The following RAB2A variants were observed in gnomAD, a reference collection of about 807,000 sequenced individuals.
The protein encoded by RAB2A is ras-related protein Rab-2A.
A neutral mutation model predicts 32.5 loss-of-function variants in RAB2A; 7 were observed. The ratio of observed to expected loss-of-function variants is 0.22; its 90% CI spans 0.12 to 0.40. The LOEUF (loss-of-function observed/expected upper bound fraction) is 0.40, where lower values mean the gene tolerates loss of function less well. RAB2A is among the 10% of genes least tolerant of loss of function. RAB2A has a pLI of 1.00. For synonymous variants in RAB2A, 79 were observed against 85.2 expected, an observed-to-expected ratio of 0.93 and a Z score of 0.40; for missense variants, 108 against 260.7, an observed-to-expected ratio of 0.41 and a Z score of 4.03.
intron 2 of RAB2A, among the ~76,000 whole-genome samples, chr8:60,570,273 A>T (rs1586088932): frequency 6.6e-6 from 1 of 152,208 alleles, no homozygotes; most frequent in Non-Finnish European, 1.5e-5. Context: ...CCCATCCCTG[A>T]CAATGGAAGG....
intron 1 of RAB2A, among the ~76,000 whole-genome samples, chr8:60,537,671 A>G (rs1270528761): frequency 2.6e-5 from 4 of 152,128 alleles, no homozygotes; most frequent in Non-Finnish European, 5.9e-5. Context: ...AGGTATTTAT[A>G]ACTGTTTTCT....
intron 1 of RAB2A, among the ~76,000 whole-genome samples, chr8:60,522,620 TGAA>T (rs1370492684): frequency 1.3e-5 from 2 of 152,114 alleles, no homozygotes. Context: ...GTTATTTTAT[TGAA>T]GAATAAATGT....
chr8:60,587,214 A>G (rs1243651502), intron 5 of RAB2A, among the ~76,000 whole-genome samples: 2 of 152,204 alleles, frequency 1.3e-5, no homozygotes, highest in African/African-American at 4.8e-5. Context: ...AGATTCATAT[A>G]TATATGATAT....
chr8:60,594,566 T>C (rs7341555), intron 6 of RAB2A, among the ~76,000 whole-genome samples: 12,454 of 152,118 alleles, frequency 0.082, 1,553 homozygotes, highest in African/African-American at 0.27. Flanking sequence ...ATGTGCCATG[T>C]TGGTTTGCTG....
At chr8:60,546,278 C>G (rs1159401947) in intron 1 of RAB2A, among the ~76,000 whole-genome samples, 2 of 152,172 alleles carry the variant, frequency 1.3e-5, no homozygotes, top group African/African-American at 2.4e-5. Flanking sequence ...TCAAACCTAT[C>G]AGGTTTAAGA....
At chr8:60,528,725 A>G (rs1807429859) in intron 1 of RAB2A, among the ~76,000 whole-genome samples, 1 of 152,180 alleles carries the variant, frequency 6.6e-6, no homozygotes, top group Non-Finnish European at 1.5e-5. Flanking sequence ...GTGATTGGCC[A>G]TCCAAGTCCA....
chr8:60,575,358 A>T (rs1808256992), intron 3 of RAB2A, among the ~76,000 whole-genome samples: 1 of 151,920 alleles, frequency 6.6e-6, no homozygotes, highest in South Asian at 2.1e-4. Flanking sequence ...TCTTACTTTC[A>T]TACCCAACTT....
intron 1 of RAB2A, among the ~76,000 whole-genome samples, chr8:60,541,814 CACAGGTCTAG>C (rs1486575410): frequency 1.3e-5 from 2 of 152,134 alleles, no homozygotes; most frequent in African/African-American, 4.8e-5. Context: ...GTGGTTGAAA[CACAGGTCTAG>C]ATTTGGTTTC....
intron 6 of RAB2A, among the ~76,000 whole-genome samples, chr8:60,604,369 G>A (rs1353341860): frequency 6.6e-6 from 1 of 152,122 alleles, no homozygotes; most frequent in East Asian, 1.9e-4. Flanking sequence ...ACAGAAAATT[G>A]GTACTGAGGA....
chr8:60,571,160 C>T (rs1808192118), intron 2 of RAB2A, among the ~76,000 whole-genome samples: 1 of 152,116 alleles, frequency 6.6e-6, no homozygotes, highest in Admixed American at 6.5e-5. Context: ...AAGTTAAAAG[C>T]CAAAGTAGTA....
chr8:60,614,686 A>C (rs905766653), intron 6 of RAB2A, among the ~76,000 whole-genome samples: 1 of 152,230 alleles, frequency 6.6e-6, no homozygotes, highest in African/African-American at 2.4e-5. Flanking sequence ...TCAACTGTGC[A>C]ATCGAAGTCC....
At chr8:60,579,633 CT>C (rs60422550) in intron 3 of RAB2A, among the ~76,000 whole-genome samples, 57,686 of 148,450 alleles carry the variant, frequency 0.39, 11,022 homozygotes, top group East Asian at 0.55. Context: ...CCTAAGTTAA[CT>C]TTTTTTTTTT....
intron 1 of RAB2A, among the ~76,000 whole-genome samples, chr8:60,551,798 A>G (rs1047419268): frequency 4.6e-5 from 7 of 151,698 alleles, no homozygotes; most frequent in African/African-American, 1.5e-4. Flanking sequence ...GGTTCAAGCA[A>G]TCCTCTGTCC....
intron 6 of RAB2A, among the ~76,000 whole-genome samples, chr8:60,612,713 A>G (rs1374262172): frequency 6.6e-6 from 1 of 152,248 alleles, no homozygotes; most frequent in African/African-American, 2.4e-5. Context: ...CTACAAAATG[A>G]GAAAATTATA....
chr8:60,592,734 AGG>A (rs1291703261), intron 6 of RAB2A, among the ~76,000 whole-genome samples: 1 of 152,086 alleles, frequency 6.6e-6, no homozygotes, highest in Non-Finnish European at 1.5e-5. Flanking sequence ...TTGTGTTTGG[AGG>A]TAGTATGTAT....
rs546578386 is a variant in RAB2A, at chr8:60,567,451, T to C, written c.119-4595T>C. Among the ~76,000 whole-genome samples, 15 of 152,302 alleles carry C rather than the reference T, an allele frequency of 9.8e-5. 2 individuals are homozygous for C. The South Asian group carries it at 3.1e-3, about 32-fold the overall frequency. On this transcript the variant is annotated intron_variant, in intron 2 of 7. Transcript: ENST00000262646. ...ACTTTGTAGTGTACTTCATACCAAT[T>C]GGTGTTCTTTCTTTCCTAAGTTTTC...
chr8:60,555,421 A>G (rs1248214635), intron 1 of RAB2A, among the ~76,000 whole-genome samples: 1 of 133,536 alleles, frequency 7.5e-6, no homozygotes, highest in Non-Finnish European at 1.6e-5. Context: ...AAAGGAAACA[A>G]TCAATAGAGT....
At chr8:60,577,031 T>G (rs1803644030) in intron 3 of RAB2A, among the ~76,000 whole-genome samples, 1 of 142,558 alleles carries the variant, frequency 7.0e-6, no homozygotes, top group Admixed American at 7.0e-5. Context: ...GGTGATCATA[T>G]CCTATTTTAT....
intron 2 of RAB2A, among the ~76,000 whole-genome samples, chr8:60,570,235 A>G (rs762581092): frequency 3.3e-5 from 5 of 152,176 alleles, no homozygotes; most frequent in East Asian, 1.9e-4. Flanking sequence ...AGCAATATAG[A>G]TAGTTTTGGA....
Sources: allele counts gnomAD v4.1 joint callset (sites outside exome capture counted in the v4.1 genomes callset), GRCh38; gene constraint gnomAD v4.1.1; transcripts MANE v1.5; gene names NCBI Gene and HGNC (gene_info 2026-07-23, HGNC 2026-07-21).